ATP9B: variants seen among roughly 807,000 people sequenced by gnomAD.
ATP9B encodes probable phospholipid-transporting ATPase IIB.
ATP9B carries 110 observed loss-of-function variants against 146.1 expected under a neutral mutation model. That is an observed-to-expected ratio of 0.75 (90% CI 0.65 to 0.88). The LOEUF (loss-of-function observed/expected upper bound fraction) is 0.88, where lower values mean the gene tolerates loss of function less well. ATP9B is among the 40% of genes least tolerant of loss of function. The probability of loss-of-function intolerance (pLI) is 0.00; values close to 1 mark genes in which losing one functional copy is unlikely to be tolerated. For missense variants in ATP9B, 1,499 were observed against 1,496.4 expected (o/e 1.00, Z -0.03); for synonymous variants, 604 against 569.7 (o/e 1.06, Z -0.86).
At chr18:79,289,405 A>G (rs1333859325) in intron 13 of ATP9B, among the ~76,000 whole-genome samples, 1 of 152,120 alleles carries the variant, frequency 6.6e-6, no homozygotes, top group Admixed American at 6.5e-5. Context: ...AGTTGATCAC[A>G]TCGGCTCCTG....
intron 10 of ATP9B, among the ~76,000 whole-genome samples, chr18:79,211,559 A>G (rs1243336337): frequency 2.6e-5 from 4 of 152,202 alleles, no homozygotes; most frequent in African/African-American, 9.7e-5. Flanking sequence ...TTGGACCCAA[A>G]GCATCTGAAT....
At position 79,131,316 on chromosome 18, in the gene ATP9B, A is replaced by C. The variant is rs374341774; in HGVS notation, c.667+4941A>C. 1.4e-4 allele frequency among the ~76,000 whole-genome samples: 22 copies of C among 152,368 alleles called. No individual in the cohort carries two copies. In the South Asian group the frequency reaches 4.6e-3, roughly 32 times the overall value. On this transcript the variant is annotated intron_variant, in intron 5 of 29. Transcript: ENST00000426216. ...CCAGGATACATAAAGAACTCTTACA[A>C]TTTCAACATTAGAAAGATAACCCAA...
chr18:79,069,443 T>A lies in ATP9B; in HGVS notation c.33T>A (p.Arg11=). MADQIPLYPV[R]SAAAAAANRK... ...ACCAGATCCCGCTTTACCCGGTGCGTAGCGCAGCGGCGGCCGCAGCCAACC... is the reference window on the plus strand; with the variant it reads ...ACCAGATCCCGCTTTACCCGGTGCGAAGCGCAGCGGCGGCCGCAGCCAACC... The change falls in exon 1 of 30, where the codon CGT becomes CGA. Residue 11 remains arginine (R), a synonymous_variant. Transcript: ENST00000426216. The A allele has an allele frequency of 6.6e-7, 1 of 1,519,444 alleles. No individual in the cohort carries two copies. The highest frequency in any genetic ancestry group is 8.8e-7 in the Non-Finnish European group (1 of 1,137,224). The allele number at this position is 1,519,444 out of a possible 1,614,324, so 94.1% of individuals were successfully genotyped here.
chr18:79,180,485 C>T (rs994872582), intron 8 of ATP9B, among the ~76,000 whole-genome samples: 1 of 152,148 alleles, frequency 6.6e-6, no homozygotes, highest in Non-Finnish European at 1.5e-5. Context: ...TCCTTCCCAT[C>T]CTTTGTATTC....
Position 79,096,577 on chromosome 18 carries a change from G to C in ATP9B, c.221G>C (p.Arg74Pro). 2 of 1,614,054 alleles carry C rather than the reference G, an allele frequency of 1.2e-6. No homozygotes were observed. Among genetic ancestry groups the C allele is most frequent in the Non-Finnish European group, 1.7e-6 (2 of 1,179,974 alleles). The change falls in exon 2 of 30, where the codon CGA becomes CCA. Residue 74 changes from arginine to proline, a missense_variant. Transcript: ENST00000426216. ...GAAAGTGATTACCACACCTTACCAC[G>C]AGCCAGGATAATGCAAAGGAAAAGA... ...NEESDYHTLP[R>P]ARIMQRKRGL...
intron 11 of ATP9B, among the ~76,000 whole-genome samples, chr18:79,246,365 C>CTGAGGAGGGCACCGCCCTACTGACTG (rs2095962952): frequency 2.0e-5 from 3 of 146,806 alleles, no homozygotes; most frequent in Non-Finnish European, 4.5e-5. Context: ...GCCCTACTGA[C>CTGAGGAGGGCACCGCCCTACTGACTG]TGAGGAGGGC....
intron 14 of ATP9B, 131 bp from the exon 15 acceptor site, chr18:79,306,855 A>G (rs2146543562): frequency 1.9e-6 from 2 of 1,069,322 alleles, no homozygotes; most frequent in East Asian, 5.2e-5. Context: ...TATAGGAGAT[A>G]ATCAGAATCA....
At chr18:79,273,127 A>G (rs1454312105) in intron 12 of ATP9B, among the ~76,000 whole-genome samples, 1 of 152,138 alleles carries the variant, frequency 6.6e-6, no homozygotes, top group Non-Finnish European at 1.5e-5. Context: ...TGCGTGTTTT[A>G]TTTTGTTTGG....
At chr18:79,193,582 T>C (rs77589888) in intron 9 of ATP9B, among the ~76,000 whole-genome samples, 2 of 152,240 alleles carry the variant, frequency 1.3e-5, no homozygotes, top group East Asian at 1.9e-4. Context: ...ATCCACATCA[T>C]GTCTAGCTTT....
intron 13 of ATP9B, among the ~76,000 whole-genome samples, chr18:79,295,304 A>T (rs2096540045): frequency 6.6e-6 from 1 of 152,256 alleles, no homozygotes; most frequent in African/African-American, 2.4e-5. Context: ...TAGCAAAGTG[A>T]AATTGGCACG....
chr18:79,124,765 C>T (rs1332827859), intron 4 of ATP9B, among the ~76,000 whole-genome samples: 3 of 152,134 alleles, frequency 2.0e-5, no homozygotes, highest in Non-Finnish European at 2.9e-5. Flanking sequence ...GGAGAGCCTG[C>T]GTCCGGCTGG....
rs770060241 is a variant in ATP9B, at chr18:79,277,199, A to G, written c.1411+3A>G. 18 of 1,614,088 alleles carry G rather than the reference A, an allele frequency of 1.1e-5. No homozygotes were observed. Among genetic ancestry groups the G allele is most frequent in the Non-Finnish European group, 1.4e-5 (16 of 1,180,022 alleles). ...GTATTTATTGACAGACAAAACAGGT[A>G]CTGTTCGTGGTCTGTGTTCACCTTT... On this transcript the variant is annotated splice_donor_region_variant and intron_variant, in intron 13 of 29. Coordinates refer to ENST00000426216, the MANE Select transcript of ATP9B (RefSeq NM_198531.5).
intron 13 of ATP9B, among the ~76,000 whole-genome samples, chr18:79,288,450 T>C (rs1009150959): frequency 1.3e-5 from 2 of 152,204 alleles, no homozygotes; most frequent in Non-Finnish European, 2.9e-5. Flanking sequence ...GCCTTTTTTT[T>C]GTTTTCCATT....
intron 1 of ATP9B, among the ~76,000 whole-genome samples, chr18:79,075,733 T>C (rs1172477512): frequency 6.6e-6 from 1 of 152,250 alleles, no homozygotes; most frequent in Non-Finnish European, 1.5e-5. Flanking sequence ...TTGGTTCTTT[T>C]TTTTTACCCA....
In ATP9B at chr18:79,263,491, T is replaced by G. The variant is rs2096166909; in HGVS notation, c.1268+9950T>G. 2.6e-5 allele frequency among the ~76,000 whole-genome samples: 4 copies of G among 152,242 alleles called. No individual in the cohort carries two copies. In the South Asian group the frequency reaches 8.3e-4, roughly 31 times the overall value. On this transcript the variant is annotated intron_variant, in intron 12 of 29. Coordinates refer to ENST00000426216, the MANE Select transcript of ATP9B (RefSeq NM_198531.5). ...TTGCACAGTTCAAACCTGTGTTGTT[T>G]GAGGGTCAGCTGTGAATTAGTTTTT...
chr18:79,095,157 A>C (rs930207657), intron 1 of ATP9B, among the ~76,000 whole-genome samples: 1 of 152,162 alleles, frequency 6.6e-6, no homozygotes, highest in African/African-American at 2.4e-5. Context: ...GTTTCTGAAG[A>C]GCTCTTAATT....
chr18:79,096,155 G>C (rs978226151), intron 1 of ATP9B, among the ~76,000 whole-genome samples: 2 of 152,144 alleles, frequency 1.3e-5, no homozygotes, highest in Non-Finnish European at 2.9e-5. Context: ...GGTTTTTTCT[G>C]ACTGGATTAA....
chr18:79,361,255 A>T (rs538590389), intron 26 of ATP9B: 6 of 152,154 alleles, frequency 3.9e-5, no homozygotes, highest in Non-Finnish European at 8.8e-5. Context: ...AAGGATTTAG[A>T]TTGTACGCAC....
At chr18:79,371,116 G>A (rs2097066772) in intron 26 of ATP9B, among the ~76,000 whole-genome samples, 1 of 152,152 alleles carries the variant, frequency 6.6e-6, no homozygotes, top group Non-Finnish European at 1.5e-5. Flanking sequence ...GCTCACACCT[G>A]TAATCCCAGC....
Sources: allele counts gnomAD v4.1 joint callset (sites outside exome capture counted in the v4.1 genomes callset), GRCh38; gene constraint gnomAD v4.1.1; transcripts MANE v1.5; gene names NCBI Gene and HGNC (gene_info 2026-07-23, HGNC 2026-07-21).